KCNMA1: variants seen among roughly 807,000 people sequenced by gnomAD.
KCNMA1 encodes the protein potassium calcium-activated channel subfamily M alpha 1, also known as Calcium-activated potassium channel subunit alpha-1.
In KCNMA1, 29 loss-of-function variants were observed where a neutral mutation model predicts 140.0. The observed-to-expected ratio is 0.21, with a 90% CI of 0.15 to 0.28. The LOEUF is 0.28. Among genes scored for constraint, KCNMA1 ranks in the 10% least tolerant of loss-of-function variants. KCNMA1 has a pLI of 1.00. For synonymous variants in KCNMA1, 612 were observed against 611.9 expected, an observed-to-expected ratio of 1.00 and a Z score of 0.00; for missense variants, 880 against 1,602.2, an observed-to-expected ratio of 0.55 and a Z score of 7.70.
intron 19 of KCNMA1, among the ~76,000 whole-genome samples, chr10:76,982,490 G>A (rs2079851817): frequency 6.6e-6 from 1 of 152,160 alleles, no homozygotes. Context: ...TAGAGGGTGG[G>A]AAGGGCATGC....
chr10:77,213,539 T>G (rs1317345422), intron 3 of KCNMA1, among the ~76,000 whole-genome samples: 1 of 152,152 alleles, frequency 6.6e-6, no homozygotes, highest in African/African-American at 2.4e-5. Flanking sequence ...GACAAAAAGT[T>G]AGGGTTGGAG....
At chr10:77,004,643 C>T (rs1012385473) in intron 18 of KCNMA1, among the ~76,000 whole-genome samples, 2 of 152,164 alleles carry the variant, frequency 1.3e-5, no homozygotes, top group African/African-American at 4.8e-5. Flanking sequence ...GAATTGAACA[C>T]TCTCTGTGTA....
chr10:77,324,008 T>C (rs538598552), intron 2 of KCNMA1, among the ~76,000 whole-genome samples: 2 of 152,180 alleles, frequency 1.3e-5, no homozygotes, highest in African/African-American at 2.4e-5. Flanking sequence ...CAGATCTAAT[T>C]TGGGAAAAAG....
downstream of KCNMA1, among the ~76,000 whole-genome samples, chr10:76,880,255 A>C (rs1241097442): frequency 6.6e-6 from 1 of 152,176 alleles, no homozygotes; most frequent in Non-Finnish European, 1.5e-5. Flanking sequence ...GTCTGTAAGA[A>C]AGAGAGCATT....
intron 15 of KCNMA1, among the ~76,000 whole-genome samples, chr10:77,031,356 A>G (rs1440513864): frequency 1.3e-5 from 2 of 152,192 alleles, no homozygotes; most frequent in Non-Finnish European, 2.9e-5. Context: ...GCTGTGAAGC[A>G]CTTATCCCTC....
intron 23 of KCNMA1, among the ~76,000 whole-genome samples, chr10:76,928,555 C>T (rs1397684203): frequency 6.6e-6 from 1 of 152,094 alleles, no homozygotes; most frequent in Admixed American, 6.5e-5. Flanking sequence ...CATTAAACTA[C>T]TTTGGTATCT....
chr10:77,274,775 G>A (rs2066153382), intron 2 of KCNMA1, among the ~76,000 whole-genome samples: 1 of 152,182 alleles, frequency 6.6e-6, no homozygotes, highest in Non-Finnish European at 1.5e-5. Context: ...AATAACTATC[G>A]ATTGTCAGAG....
chr10:77,402,912 C>T (rs965404815), intron 2 of KCNMA1, among the ~76,000 whole-genome samples: 3 of 152,142 alleles, frequency 2.0e-5, no homozygotes, highest in Non-Finnish European at 4.4e-5. Context: ...GAAATCACTC[C>T]GAATGCAATA....
At chr10:77,120,523 C>T (rs1294362655) in intron 6 of KCNMA1, among the ~76,000 whole-genome samples, 2 of 152,190 alleles carry the variant, frequency 1.3e-5, no homozygotes, top group African/African-American at 2.4e-5. Context: ...GTGATTGCCT[C>T]TCACAGCATT....
chr10:77,555,033 G>A (rs889074780), intron 1 of KCNMA1, among the ~76,000 whole-genome samples: 7 of 139,322 alleles, frequency 5.0e-5, no homozygotes, highest in Non-Finnish European at 9.1e-5. Flanking sequence ...AATCTTCCTT[G>A]ATCATCTCTT....
At chr10:77,495,924 C>G (rs2041760763) in intron 1 of KCNMA1, among the ~76,000 whole-genome samples, 1 of 152,210 alleles carries the variant, frequency 6.6e-6, no homozygotes. Flanking sequence ...AAGCCACCAG[C>G]CTCAGGAAGT....
intron 1 of KCNMA1, among the ~76,000 whole-genome samples, chr10:77,577,362 T>C (rs1174855392): frequency 2.0e-5 from 3 of 152,134 alleles, no homozygotes; most frequent in African/African-American, 7.2e-5. Context: ...CTCTCTTAAC[T>C]GCCATGTAGT....
intron 2 of KCNMA1, among the ~76,000 whole-genome samples, chr10:77,373,442 A>C (rs1332594116): frequency 6.6e-6 from 1 of 152,200 alleles, no homozygotes; most frequent in Non-Finnish European, 1.5e-5. Context: ...TAAAAAGAAT[A>C]ATTTCCTCAT....
intron 14 of KCNMA1, among the ~76,000 whole-genome samples, chr10:77,069,078 G>A (rs937191833): frequency 6.6e-6 from 1 of 152,138 alleles, no homozygotes; most frequent in African/African-American, 2.4e-5. Context: ...TCCAAGTGAG[G>A]AAGCCAAGTA....
intron 1 of KCNMA1, among the ~76,000 whole-genome samples, chr10:77,603,045 C>T (rs57526643): frequency 0.13 from 20,392 of 152,116 alleles, 1,834 homozygotes; most frequent in African/African-American, 0.24. Context: ...CTATGTTCCT[C>T]TGAGCTGTGT....
At chr10:77,344,352 A>AG (rs2091687719) in intron 2 of KCNMA1, among the ~76,000 whole-genome samples, 1 of 152,168 alleles carries the variant, frequency 6.6e-6, no homozygotes, top group African/African-American at 2.4e-5. Flanking sequence ...TTGAGAGGTG[A>AG]GGGATCAGGT....
At chr10:77,613,335 C>G (rs1567871630) in intron 1 of KCNMA1, among the ~76,000 whole-genome samples, 1 of 152,194 alleles carries the variant, frequency 6.6e-6, no homozygotes, top group Non-Finnish European at 1.5e-5. Flanking sequence ...CAGGACTGAC[C>G]AGCTTCAGCT....
intron 2 of KCNMA1, among the ~76,000 whole-genome samples, chr10:77,275,556 G>T (rs1235408562): frequency 6.6e-6 from 1 of 152,206 alleles, no homozygotes; most frequent in Admixed American, 6.5e-5. Context: ...TGAAAAAGAA[G>T]GAAGTTCCAA....
At chr10:76,889,832 G>A (rs1419641336) in intron 26 of KCNMA1, 1 of 519,856 alleles carries the variant, frequency 1.9e-6, no homozygotes, top group East Asian at 3.7e-5. Context: ...GGGTTTGAAA[G>A]CTCTAAGGAG....
Sources: gnomAD v4.1 joint callset for allele counts (sites outside exome capture counted in the v4.1 genomes callset) on GRCh38, gnomAD v4.1.1 for gene constraint, MANE v1.5 for transcripts, NCBI Gene and HGNC (gene_info 2026-07-23, HGNC 2026-07-21) for gene names.